Variants in FAM167A observed in about 807,000 individuals in gnomAD.
The protein encoded by FAM167A is family with sequence similarity 167 member A.
FAM167A carries 23 observed loss-of-function variants against 14.9 expected under a neutral mutation model. The observed-to-expected ratio is 1.55, with a 90% CI of 1.11 to 2.19. FAM167A has a LOEUF of 2.19. Ranked by LOEUF, FAM167A falls within the 30% of genes most tolerant of loss-of-function variation. FAM167A has a pLI of 0.00. For synonymous variants in FAM167A, 174 were observed against 117.7 expected (o/e 1.48, Z -3.10); for missense variants, 401 against 281.5 (o/e 1.42, Z -3.04).
chr8:11,426,647 G>A (rs74761252), intron 2 of FAM167A, among the ~76,000 whole-genome samples: 8,084 of 152,220 alleles, frequency 0.053, 280 homozygotes, highest in South Asian at 0.099. Flanking sequence ...TATTTAAAGG[G>A]GAAGGAGTGG....
At chr8:11,463,987 G>A (rs531752456) in intron 1 of FAM167A, among the ~76,000 whole-genome samples, 75 of 152,294 alleles carry the variant, frequency 4.9e-4, no homozygotes, top group African/African-American at 1.4e-3. Flanking sequence ...GGAGCCTGAC[G>A]CTAGACAGCT....
In FAM167A at chr8:11,444,747, C is replaced by G. The variant is rs1806679909; in HGVS notation, c.-336G>C. The G allele has an allele frequency of 9.5e-7, 1 of 1,052,744 alleles. No homozygotes were observed. 65.2% of individuals were successfully genotyped at this position (1,052,744 alleles called of 1,614,324 possible). A position where few individuals can be genotyped will look rare whatever the true frequency, so the allele number is the denominator to read the frequency against. ...ATCTGTCCTGAACGCACTCGAAGACCAGACTGGCAGGAAGAAGGCCCAGAG... is the reference window on the plus strand; with the variant it reads ...ATCTGTCCTGAACGCACTCGAAGACGAGACTGGCAGGAAGAAGGCCCAGAG... On this transcript the variant is annotated 5_prime_UTR_variant, in exon 2 of 3. Coordinates refer to ENST00000284486, the MANE Select transcript of FAM167A (RefSeq NM_053279.3).
chr8:11,439,071 G>T (rs1311639943), intron 2 of FAM167A, among the ~76,000 whole-genome samples: 2 of 152,244 alleles, frequency 1.3e-5, no homozygotes, highest in Non-Finnish European at 2.9e-5. Context: ...AGAACAAAGA[G>T]ATCTGGATCC....
intron 2 of FAM167A, chr8:11,433,938 G>T (rs556159472): frequency 2.6e-5 from 4 of 152,016 alleles, no homozygotes; most frequent in African/African-American, 9.7e-5. Flanking sequence ...TATTATTTTC[G>T]TCAGTGTTGT....
At chr8:11,456,107 T>TATGG (rs1807272469) in intron 1 of FAM167A, among the ~76,000 whole-genome samples, 1 of 16,250 alleles carries the variant, frequency 6.2e-5, no homozygotes, top group African/African-American at 2.4e-4. Flanking sequence ...GCTGTGTGTG[T>TATGG]GTGTGAATGT....
upstream of FAM167A, among the ~76,000 whole-genome samples, chr8:11,467,876 A>T (rs769958132): frequency 6.6e-6 from 1 of 152,266 alleles, no homozygotes; most frequent in Non-Finnish European, 1.5e-5. Context: ...TTGCCAGTAC[A>T]GACCTAGTCA....
intron 1 of FAM167A, chr8:11,445,629 A>T: frequency 1.0e-6 from 1 of 985,064 alleles, no homozygotes; most frequent in Non-Finnish European, 1.2e-6. Context: ...TCCAGAGAGG[A>T]GGCATAAGCC....
intron 2 of FAM167A, among the ~76,000 whole-genome samples, chr8:11,443,038 C>T (rs1017344747): frequency 1.2e-4 from 18 of 152,218 alleles, no homozygotes; most frequent in Non-Finnish European, 2.5e-4. Context: ...ACCCAAGAGC[C>T]ACTGCCGGCT....
At chr8:11,441,195 A>C (rs944857448) in intron 2 of FAM167A, among the ~76,000 whole-genome samples, 6 of 152,150 alleles carry the variant, frequency 3.9e-5, no homozygotes, top group African/African-American at 1.4e-4. Flanking sequence ...CATTCACCGA[A>C]GGAGCCCCAA....
chr8:11,427,342 A>G (rs990055632), intron 2 of FAM167A, among the ~76,000 whole-genome samples: 8 of 152,186 alleles, frequency 5.3e-5, no homozygotes, highest in African/African-American at 1.9e-4. Flanking sequence ...CTTAGTGCAG[A>G]GCGCCTTCTG....
At chr8:11,436,398 G>A (rs1806016162) in intron 2 of FAM167A, among the ~76,000 whole-genome samples, 2 of 152,234 alleles carry the variant, frequency 1.3e-5, no homozygotes, top group Non-Finnish European at 2.9e-5. Context: ...GCCAGGCTGC[G>A]AGCATGGCCC....
upstream of FAM167A, among the ~76,000 whole-genome samples, chr8:11,468,666 T>C (rs1444945225): frequency 1.3e-5 from 2 of 152,216 alleles, no homozygotes; most frequent in Non-Finnish European, 2.9e-5. Flanking sequence ...CCCTGGCACG[T>C]GGTGAATGCT....
In FAM167A at chr8:11,446,269, G is replaced by C. The variant is rs1334635734; in HGVS notation, c.-397-1461C>G. The C allele has an allele frequency of 2.0e-5, 3 of 152,340 alleles. No individual in the cohort carries two copies. The East Asian group carries it at 5.8e-4, about 29-fold the overall frequency. The allele number at this position is 152,340 out of a possible 1,614,324, so 9.4% of individuals were successfully genotyped here. A position where few individuals can be genotyped will look rare whatever the true frequency, so the allele number is the denominator to read the frequency against. On this transcript the variant is annotated intron_variant, in intron 1 of 2. Coordinates refer to ENST00000284486, the MANE Select transcript of FAM167A (RefSeq NM_053279.3). Reference sequence around the variant, plus strand: ...TTTCCTCAGCCCCAGCCTGTGGTGGGGATGTGAATGGAGGACGTCCTGCTG... The same window carrying C: ...TTTCCTCAGCCCCAGCCTGTGGTGGCGATGTGAATGGAGGACGTCCTGCTG...
intron 1 of FAM167A, among the ~76,000 whole-genome samples, chr8:11,473,285 T>TG (rs1276085010): frequency 6.6e-6 from 1 of 152,042 alleles, no homozygotes; most frequent in Non-Finnish European, 1.5e-5. Context: ...AACACTGGTG[T>TG]GGGGGGAAGC....
chr8:11,468,784 A>T (rs1357467471), upstream of FAM167A, among the ~76,000 whole-genome samples: 1 of 152,184 alleles, frequency 6.6e-6, no homozygotes, highest in Non-Finnish European at 1.5e-5. Flanking sequence ...GGGAGTGCAG[A>T]TGCTTTCTCA....
rs1804851403 is a variant in FAM167A at position 11,422,817 on chromosome 8, A to G, written c.*1556T>C. ...AGCAGCCAGATGCCGTGCGTAGACCATGGGACAGTGATTAGTGACACATGC... is the reference window on the plus strand; with the variant it reads ...AGCAGCCAGATGCCGTGCGTAGACCGTGGGACAGTGATTAGTGACACATGC... On this transcript the variant is annotated 3_prime_UTR_variant, in exon 3 of 3. Transcript: ENST00000284486. 1 of 152,496 alleles carries G rather than the reference A, an allele frequency of 6.6e-6. No homozygotes were observed. The highest frequency in any genetic ancestry group is 2.1e-4 in the South Asian group (1 of 4,826). The allele number at this position is 152,496 out of a possible 1,614,324, so 9.4% of individuals were successfully genotyped here. A position where few individuals can be genotyped will look rare whatever the true frequency, so the allele number is the denominator to read the frequency against.
chr8:11,428,663 T>C (rs529998549), intron 2 of FAM167A, among the ~76,000 whole-genome samples: 21 of 152,192 alleles, frequency 1.4e-4, no homozygotes, highest in Middle Eastern at 3.4e-3. Context: ...CAATACATAG[T>C]GTGTTGGGAT....
chr8:11,475,765 T>C (rs547116332), intron 1 of FAM167A, among the ~76,000 whole-genome samples: 24 of 152,320 alleles, frequency 1.6e-4, no homozygotes, highest in African/African-American at 5.8e-4. Flanking sequence ...GTATTGATTC[T>C]AGCTCCTTTC....
Position 11,446,702 on chromosome 8 carries a change from G to A in FAM167A, c.-397-1894C>T, listed in dbSNP as rs147309235. ...CTAAAATTCACCGGCACTCTCTGAAGACTTAGCACGCTAAGTCCGCAAATG... is the reference window on the plus strand; with the variant it reads ...CTAAAATTCACCGGCACTCTCTGAAAACTTAGCACGCTAAGTCCGCAAATG... On this transcript the variant is annotated intron_variant, in intron 1 of 2. Coordinates refer to ENST00000284486, the MANE Select transcript of FAM167A (RefSeq NM_053279.3). 2.1e-3 allele frequency: 314 copies of A among 152,340 alleles called. 3 individuals are homozygous for A. Among genetic ancestry groups the A allele is most frequent in the African/African-American group, 7.2e-3 (301 of 41,570 alleles). 9.4% of individuals were successfully genotyped at this position (152,340 alleles called of 1,614,324 possible).
Sources: gnomAD v4.1 joint callset for allele counts (sites outside exome capture counted in the v4.1 genomes callset) on GRCh38, gnomAD v4.1.1 for gene constraint, MANE v1.5 for transcripts, NCBI Gene and HGNC (gene_info 2026-07-23, HGNC 2026-07-21) for gene names.